Variants in CCSER1 observed in about 807,000 individuals in gnomAD.
CCSER1 encodes coiled-coil serine rich protein 1.
CCSER1 carries 41 observed loss-of-function variants against 82.0 expected under a neutral mutation model. The ratio of observed to expected loss-of-function variants is 0.50; its 90% CI spans 0.39 to 0.65. The LOEUF (loss-of-function observed/expected upper bound fraction) is 0.65, where lower values mean the gene tolerates loss of function less well. Among genes scored for constraint, CCSER1 ranks in the 30% least tolerant of loss-of-function variants. The pLI, the probability that CCSER1 is intolerant of heterozygous loss-of-function variation, is 0.00. For missense variants in CCSER1, 1,119 were observed against 1,064.2 expected (o/e 1.05, Z -0.72); for synonymous variants, 414 against 383.9 (o/e 1.08, Z -0.92).
chr4:90,967,689 A>C (rs532934826), intron 9 of CCSER1, among the ~76,000 whole-genome samples: 9 of 152,100 alleles, frequency 5.9e-5, no homozygotes, highest in Non-Finnish European at 8.8e-5. Context: ...AACTATAACA[A>C]TATAAATTGG....
At chr4:90,667,362 A>G (rs1190813731) in intron 6 of CCSER1, among the ~76,000 whole-genome samples, 2 of 152,082 alleles carry the variant, frequency 1.3e-5, no homozygotes, top group Non-Finnish European at 2.9e-5. Context: ...TTATTATTAT[A>G]CTTTAAGTTC....
At chr4:91,005,308 AGC>A (rs1738405007) in intron 9 of CCSER1, among the ~76,000 whole-genome samples, 1 of 152,146 alleles carries the variant, frequency 6.6e-6, no homozygotes, top group Admixed American at 6.6e-5. Context: ...GTGGTGATTT[AGC>A]CTTCAATAAA....
intron 10 of CCSER1, among the ~76,000 whole-genome samples, chr4:91,160,018 C>T (rs943294156): frequency 3.3e-5 from 5 of 151,708 alleles, no homozygotes; most frequent in East Asian, 1.9e-4. Context: ...ATTTACATTA[C>T]GTATTTCTCC....
intron 10 of CCSER1, among the ~76,000 whole-genome samples, chr4:91,366,953 A>G (rs1749656013): frequency 1.3e-5 from 2 of 152,032 alleles, no homozygotes; most frequent in Admixed American, 1.3e-4. Flanking sequence ...AAAATCACAT[A>G]TTAATTCAAC....
At chr4:90,470,585 CAAGGGT>C in intron 5 of CCSER1, among the ~76,000 whole-genome samples, 1 of 151,992 alleles carries the variant, frequency 6.6e-6, no homozygotes, top group African/African-American at 2.4e-5. Context: ...ATGATATCAT[CAAGGGT>C]CATTCTCTCT....
chr4:90,331,635 C>A (rs949744228), intron 3 of CCSER1, among the ~76,000 whole-genome samples: 10 of 152,196 alleles, frequency 6.6e-5, no homozygotes, highest in Non-Finnish European at 1.5e-4. Context: ...AGTAATCAAT[C>A]AAATGGTGAA....
At chr4:90,743,819 G>A (rs1380617705) in intron 7 of CCSER1, among the ~76,000 whole-genome samples, 7 of 152,148 alleles carry the variant, frequency 4.6e-5, no homozygotes, top group Admixed American at 3.3e-4. Context: ...GCTAAAGACT[G>A]ATTAGTCATA....
At chr4:91,149,026 T>A (rs757505105) in intron 10 of CCSER1, among the ~76,000 whole-genome samples, 441 of 152,166 alleles carry the variant, frequency 2.9e-3, no homozygotes, top group Non-Finnish European at 3.6e-3. Context: ...GGTCAAATAT[T>A]TCTAGATCTA....
intron 1 of CCSER1, among the ~76,000 whole-genome samples, chr4:90,150,167 A>G (rs981792539): frequency 2.6e-5 from 4 of 152,186 alleles, no homozygotes; most frequent in Admixed American, 6.6e-5. Flanking sequence ...TGCTAATTCT[A>G]CAGGACCAAC....
At position 91,103,388 on chromosome 4, in the gene CCSER1, C is replaced by T. The variant is rs149414939; in HGVS notation, c.2217+17394C>T. Among the ~76,000 whole-genome samples, 359 of 152,152 alleles carry T rather than the reference C, an allele frequency of 2.4e-3. 3 individuals carry two copies. The highest frequency in any genetic ancestry group is 7.8e-3 in the African/African-American group (325 of 41,518). Reference sequence around the variant, plus strand: ...CACCACATCCTCACCTATATGTCATCGGAACCTTTTAAATAAGATTACCTA... The same window carrying T: ...CACCACATCCTCACCTATATGTCATTGGAACCTTTTAAATAAGATTACCTA... On this transcript the variant is annotated intron_variant, in intron 10 of 10. Coordinates refer to ENST00000509176, the MANE Select transcript of CCSER1 (RefSeq NM_001145065.2).
intron 4 of CCSER1, among the ~76,000 whole-genome samples, chr4:90,424,416 G>T (rs77168923): frequency 0.017 from 2,564 of 152,052 alleles, 71 homozygotes; most frequent in African/African-American, 0.058. Context: ...TATTTTCAAA[G>T]GTAAAATATG....
intron 9 of CCSER1, among the ~76,000 whole-genome samples, chr4:90,987,502 A>C (rs1736668819): frequency 6.6e-6 from 1 of 151,580 alleles, no homozygotes; most frequent in Non-Finnish European, 1.5e-5. Flanking sequence ...AACTTCCCTC[A>C]GTGTTTTGAG....
intron 6 of CCSER1, among the ~76,000 whole-genome samples, chr4:90,655,551 C>T (rs1291569978): frequency 6.6e-6 from 1 of 152,014 alleles, no homozygotes; most frequent in Non-Finnish European, 1.5e-5. Context: ...CTGGCTCTTG[C>T]TCTCTTTCTC....
chr4:90,744,350 A>C (rs1431865146), intron 7 of CCSER1, among the ~76,000 whole-genome samples: 1 of 152,186 alleles, frequency 6.6e-6, no homozygotes, highest in Non-Finnish European at 1.5e-5. Context: ...GCAAGTAATA[A>C]AATGCAAAAT....
intron 9 of CCSER1, among the ~76,000 whole-genome samples, chr4:90,933,467 G>C (rs1730524056): frequency 6.6e-6 from 1 of 151,282 alleles, no homozygotes. Flanking sequence ...GATTACAGGC[G>C]TGAGCCACCG....
chr4:90,610,372 C>T (rs1275356591), intron 5 of CCSER1, among the ~76,000 whole-genome samples: 1 of 152,144 alleles, frequency 6.6e-6, no homozygotes, highest in Non-Finnish European at 1.5e-5. Context: ...AAAAATTTTA[C>T]TGCCCTTCTC....
At chr4:90,336,757 A>C (rs1158836119) in intron 3 of CCSER1, among the ~76,000 whole-genome samples, 1 of 152,196 alleles carries the variant, frequency 6.6e-6, no homozygotes, top group Admixed American at 6.5e-5. Context: ...ATACTTTGCT[A>C]AAGTGAATCC....
At chr4:90,619,156 AACTGAACT>A (rs1721837275) in intron 5 of CCSER1, among the ~76,000 whole-genome samples, 1 of 151,960 alleles carries the variant, frequency 6.6e-6, no homozygotes, top group Non-Finnish European at 1.5e-5. Context: ...ACTACAATGG[AACTGAACT>A]TCTAGCAAAT....
At chr4:91,119,720 A>G (rs907863756) in intron 10 of CCSER1, among the ~76,000 whole-genome samples, 2 of 152,012 alleles carry the variant, frequency 1.3e-5, no homozygotes, top group Non-Finnish European at 2.9e-5. Context: ...TTCAAAATGA[A>G]TAGAGATTAG....
Sources: allele counts gnomAD v4.1 joint callset (sites outside exome capture counted in the v4.1 genomes callset), GRCh38; gene constraint gnomAD v4.1.1; transcripts MANE v1.5; gene names NCBI Gene and HGNC (gene_info 2026-07-23, HGNC 2026-07-21).